Variants in ATAT1 observed in about 807,000 individuals in gnomAD.
The protein encoded by ATAT1 is alpha tubulin acetyltransferase 1.
A neutral mutation model predicts 57.2 loss-of-function variants in ATAT1; 42 were observed. The ratio of observed to expected loss-of-function variants is 0.73; its 90% confidence interval spans 0.57 to 0.95. The LOEUF (loss-of-function observed/expected upper bound fraction) is 0.95, where lower values mean the gene tolerates loss of function less well. Among genes scored for constraint, ATAT1 ranks in the 40% least tolerant of loss-of-function variants. The pLI, the probability that ATAT1 is intolerant of heterozygous loss-of-function variation, is 0.00. For missense variants in ATAT1, 454 were observed against 523.7 expected (o/e 0.87, Z 1.30); for synonymous variants, 168 against 187.1 (o/e 0.90, Z 0.83).
intron 6 of ATAT1, among the ~76,000 whole-genome samples, chr6:30,631,402 G>T (rs1762840571): frequency 6.6e-6 from 1 of 151,982 alleles, no homozygotes; most frequent in Non-Finnish European, 1.5e-5. Context: ...GTGAACCTGG[G>T]AGGCAGAGCT....
intron 10 of ATAT1, chr6:30,643,467 C>T (rs1253064455): frequency 1.9e-6 from 3 of 1,545,982 alleles, no homozygotes; most frequent in Non-Finnish European, 1.7e-6. Flanking sequence ...CTCTGTTTTT[C>T]TCTCCCCCGC....
chr6:30,643,324 T>TAAGG, intron 10 of ATAT1: 1 of 1,425,642 alleles, frequency 7.0e-7, no homozygotes, highest in African/African-American at 1.4e-5. Flanking sequence ...AATCTTCGCT[T>TAAGG]AATACTTGCT....
intron 9 of ATAT1, 122 bp downstream of exon 9, chr6:30,642,369 A>G (rs2127546595): frequency 7.4e-7 from 1 of 1,347,368 alleles, no homozygotes; most frequent in Admixed American, 2.0e-5. Context: ...TGGGCTGGGC[A>G]TGGTGGCTCA....
At chr6:30,636,252 T>C (rs1346953824) in intron 6 of ATAT1, among the ~76,000 whole-genome samples, 2 of 152,128 alleles carry the variant, frequency 1.3e-5, no homozygotes, top group East Asian at 3.8e-4. Flanking sequence ...GTGCATTTCA[T>C]GTAGAGGAAC....
Position 30,638,324 on chromosome 6 carries a change from A to T in ATAT1, c.502-2053A>T, listed in dbSNP as rs527660906. On this transcript the variant is annotated intron_variant, in intron 6 of 12. Transcript: ENST00000330083. ...ACTTTTTTTTTTGAGATGGAGTCTC[A>T]CTCTGTCACCCAGGCTGAAGTACAG... Among the ~76,000 whole-genome samples the T allele has an allele frequency of 2.1e-4, 31 of 151,184 alleles. No individual in the cohort carries two copies. The East Asian group carries it at 5.7e-3, about 28-fold the overall frequency.
chr6:30,645,287 C>T (rs927863208), intron 10 of ATAT1, among the ~76,000 whole-genome samples: 5 of 151,376 alleles, frequency 3.3e-5, no homozygotes, highest in Non-Finnish European at 5.9e-5. Flanking sequence ...ACAATCTCAG[C>T]TCACTGCAAC....
chr6:30,642,833 G>GGGGCGCCCCCCCCCCCCCCCCCCCCCCC lies in ATAT1; in HGVS notation c.754_755insGGGCGCCCCCCCCCCCCCCCCCCCCCCC (p.Ala252GlyfsTer57). On this transcript the variant is annotated frameshift_variant, in exon 10 of 13. Transcript: ENST00000330083. LOFTEE classifies it high-confidence loss of function. ...GGCCCCTCGCCGCGCCACACCTCCA[G>GGGGCGCCCCCCCCCCCCCCCCCCCCCCC]CCCACCCACCCCCCCGCTCCAGCAG... The GGGGCGCCCCCCCCCCCCCCCCCCCCCCC allele has an allele frequency of 6.5e-7, 1 of 1,537,878 alleles. No individual in the cohort carries two copies.
chr6:30,638,994 C>T lies in ATAT1; in HGVS notation c.502-1383C>T, dbSNP rs564135155. On this transcript the variant is annotated intron_variant, in intron 6 of 12. Coordinates refer to ENST00000330083, the MANE Select transcript of ATAT1 (RefSeq NM_001031722.4). ...CTGAATTTTTTATTTATTTATTTATCCTTTGAGACGGAGTCTCATTCTCTT... is the reference window on the plus strand; with the variant it reads ...CTGAATTTTTTATTTATTTATTTATTCTTTGAGACGGAGTCTCATTCTCTT... 4.2e-3 allele frequency among the ~76,000 whole-genome samples: 645 copies of T among 151,806 alleles called. 4 individuals carry two copies. The highest frequency in any genetic ancestry group is 0.015 in the African/African-American group (629 of 41,400).
intron 4 of ATAT1, 40 bp from the exon 5 acceptor site, chr6:30,627,992 T>C (rs1312285607): frequency 1.9e-6 from 3 of 1,609,736 alleles, no homozygotes. Context: ...GCAGCAGAGA[T>C]GCCGGGGTTC....
intron 8 of ATAT1, among the ~76,000 whole-genome samples, chr6:30,640,860 G>A (rs973347982): frequency 1.3e-5 from 2 of 152,110 alleles, no homozygotes; most frequent in Non-Finnish European, 2.9e-5. Flanking sequence ...GTTCAGGTCC[G>A]TCAACATAGG....
At chr6:30,627,953 C>T in intron 4 of ATAT1, 42 bp downstream of exon 4, 1 of 1,611,050 alleles carries the variant, frequency 6.2e-7, no homozygotes, top group Non-Finnish European at 8.5e-7. Flanking sequence ...ACCTTGGTTT[C>T]TGAGAACAAA....
chr6:30,645,836 A>T, intron 10 of ATAT1, 59 bp from the exon 11 acceptor site: 1 of 1,281,482 alleles, frequency 7.8e-7, no homozygotes, highest in Non-Finnish European at 1.1e-6. Flanking sequence ...TGATTCCTCC[A>T]TACCCACCCA....
In ATAT1 at chr6:30,640,581, T is replaced by C. The variant is rs144917944; in HGVS notation, c.594T>C (p.Ala198=). 162 of 1,613,036 alleles carry C rather than the reference T, an allele frequency of 1.0e-4. No individual in the cohort carries two copies. In the African/African-American group the frequency reaches 2.0e-3, roughly 20 times the overall value. ...GGGCAACTCGACACTCTCGTGCTGCTGCAGTCGATCCCACGCCCGCTGGTA... is the reference window on the plus strand; with the variant it reads ...GGGCAACTCGACACTCTCGTGCTGCCGCAGTCGATCCCACGCCCGCTGGTA... The change falls in exon 8 of 13, where the codon GCT becomes GCC. Residue 198 remains alanine (A), a synonymous_variant. Transcript: ENST00000330083.
In ATAT1 at chr6:30,628,127, C is replaced by G; in HGVS notation, c.381C>G (p.Leu127=). 6.2e-7 allele frequency: 1 copy of G among 1,612,940 alleles called. No homozygotes were observed. Among genetic ancestry groups the G allele is most frequent in the Non-Finnish European group, 8.5e-7 (1 of 1,179,924 alleles). ...AACGCCATGGCCATGGGCGAGAACTCTTCCAGTATATGTTGCAGGTATCAC... is the reference window on the plus strand; with the variant it reads ...AACGCCATGGCCATGGGCGAGAACTGTTCCAGTATATGTTGCAGGTATCAC... The change falls in exon 5 of 13, where the codon CTC becomes CTG. Residue 127 remains leucine (L), a synonymous_variant. Transcript: ENST00000330083.
intron 6 of ATAT1, among the ~76,000 whole-genome samples, chr6:30,635,201 A>G (rs1398702656): frequency 1.3e-5 from 2 of 152,224 alleles, no homozygotes; most frequent in Non-Finnish European, 2.9e-5. Flanking sequence ...TTGTGCAACA[A>G]TAAACCCAAA....
intron 9 of ATAT1, 138 bp downstream of exon 9, chr6:30,642,385 G>A (rs1018943002): frequency 6.4e-5 from 78 of 1,225,534 alleles, no homozygotes; most frequent in Non-Finnish European, 7.9e-5. Context: ...GCTCATGCCT[G>A]TAATCCCAGC....
At chr6:30,628,231 T>A in intron 5 of ATAT1, 86 bp downstream of exon 5, 1 of 1,523,202 alleles carries the variant, frequency 6.6e-7, no homozygotes, top group South Asian at 1.1e-5. Context: ...CCACCCCCCA[T>A]GTTCCCATGT....
In ATAT1 at chr6:30,628,324, T is replaced by C; in HGVS notation, c.400-5T>C. ...CTCCTACCCTGAGTCTCCTTTTCCC[T>C]GCAGAAGGAGCGAGTGGAACCGCAC... On this transcript the variant is annotated splice_region_variant and splice_polypyrimidine_tract_variant and intron_variant, in intron 5 of 12. Transcript: ENST00000330083. 6.2e-7 allele frequency: 1 copy of C among 1,612,526 alleles called. No homozygotes were observed. Among genetic ancestry groups the C allele is most frequent in the Admixed American group, 1.7e-5 (1 of 59,988 alleles).
intron 6 of ATAT1, among the ~76,000 whole-genome samples, chr6:30,635,526 T>C (rs1462582552): frequency 2.7e-5 from 4 of 150,876 alleles, no homozygotes; most frequent in Non-Finnish European, 4.4e-5. Flanking sequence ...GAGGTGGAGG[T>C]TGCAGTAAGC....
Sources: gnomAD v4.1 joint callset for allele counts (sites outside exome capture counted in the v4.1 genomes callset) on GRCh38, gnomAD v4.1.1 for gene constraint, MANE v1.5 for transcripts, NCBI Gene and HGNC (gene_info 2026-07-23, HGNC 2026-07-21) for gene names.